The following TENM3 variants were observed in gnomAD, a reference collection of about 807,000 sequenced individuals.
The protein encoded by TENM3 is teneurin-3.
Under a neutral mutation model 255.1 loss-of-function variants are expected in TENM3, and 63 were observed. The ratio of observed to expected loss-of-function variants is 0.25; its 90% confidence interval spans 0.20 to 0.30. TENM3 has a LOEUF of 0.30. Among genes scored for constraint, TENM3 ranks in the 10% least tolerant of loss-of-function variants. The pLI, the probability that TENM3 is intolerant of heterozygous loss-of-function variation, is 1.00. For synonymous variants in TENM3, 1,306 were observed against 1,322.3 expected (o/e 0.99, Z 0.27); for missense variants, 2,929 against 3,461.1 (o/e 0.85, Z 3.86).
the TENM3 span, among the ~76,000 whole-genome samples, chr4:181,828,070 G>C: frequency 6.6e-6 from 1 of 152,146 alleles, no homozygotes; most frequent in Non-Finnish European, 1.5e-5. Context: ...TTTCTTCCTT[G>C]ACCCTTTTTG....
intron 3 of TENM3, among the ~76,000 whole-genome samples, chr4:182,569,702 T>A (rs777257192): frequency 1.8e-4 from 27 of 152,030 alleles, no homozygotes; most frequent in Non-Finnish European, 3.7e-4. Flanking sequence ...AAGAGAAAAC[T>A]AAAGTATTAA....
chr4:182,487,809 A>T (rs1734903177), intron 3 of TENM3, among the ~76,000 whole-genome samples: 1 of 152,170 alleles, frequency 6.6e-6, no homozygotes, highest in Non-Finnish European at 1.5e-5. Flanking sequence ...TCAAACATTT[A>T]TTCTCAGGTC....
chr4:182,793,881 C>G lies in TENM3; in HGVS notation c.7209C>G (p.Ile2403Met). ...ASKIHDVKDY[I>M]TDVNSWLVTF... Reference sequence around the variant, plus strand: ...AAATCCATGACGTGAAAGATTACATCACAGGTAAGCATTTTGATTCCTTCC... The same window carrying G: ...AAATCCATGACGTGAAAGATTACATGACAGGTAAGCATTTTGATTCCTTCC... The change falls in exon 26 of 28, where the codon ATC becomes ATG. Residue 2403 changes from isoleucine (I) to methionine (M), a missense_variant. Coordinates refer to ENST00000511685, the MANE Select transcript of TENM3 (RefSeq NM_001080477.4). This position sits in a 1 kb window ranked among gnomAD's most constrained non-coding sequence, Gnocchi z 5.7. 6.3e-7 allele frequency: 1 copy of G among 1,596,772 alleles called. No homozygotes were observed. The highest frequency in any genetic ancestry group is 1.1e-5 in the South Asian group (1 of 88,540).
At chr4:181,772,683 G>A in the TENM3 span, among the ~76,000 whole-genome samples, 2 of 152,110 alleles carry the variant, frequency 1.3e-5, no homozygotes, top group African/African-American at 4.8e-5. Context: ...CACTTCTCAG[G>A]TACTAAGGTT....
rs150426892 is a variant in TENM3 at position 182,739,225 on chromosome 4, G to C, written c.3379+681G>C. Among the ~76,000 whole-genome samples the C allele has an allele frequency of 1.1e-4, 16 of 152,214 alleles. No individual in the cohort carries two copies. In the East Asian group the frequency reaches 3.1e-3, roughly 29 times the overall value. On this transcript the variant is annotated intron_variant, in intron 18 of 27. Coordinates refer to ENST00000511685, the MANE Select transcript of TENM3 (RefSeq NM_001080477.4). ...GATAATGTCCTAGTGAATATGCTCT[G>C]AAGAAACATGTTTCAAATGCCGCAG...
intron 24 of TENM3, among the ~76,000 whole-genome samples, chr4:182,780,093 C>A (rs1451761164): frequency 1.3e-5 from 2 of 151,926 alleles, no homozygotes; most frequent in African/African-American, 4.8e-5. Flanking sequence ...GCTTTTGTTG[C>A]CATTGCTTTT....
the TENM3 span, among the ~76,000 whole-genome samples, chr4:181,609,363 A>G: frequency 6.6e-6 from 1 of 152,248 alleles, no homozygotes; most frequent in Non-Finnish European, 1.5e-5. Context: ...TTTTTTCCAC[A>G]TCACTCTGTA....
the TENM3 span, among the ~76,000 whole-genome samples, chr4:181,954,678 T>C: frequency 6.6e-6 from 1 of 152,210 alleles, no homozygotes; most frequent in African/African-American, 2.4e-5. Context: ...GTGGCTTGAT[T>C]TTTCATTTTC....
intron 12 of TENM3, among the ~76,000 whole-genome samples, chr4:182,702,449 A>G (rs1052586809): frequency 1.3e-5 from 2 of 152,130 alleles, no homozygotes; most frequent in African/African-American, 2.4e-5. Context: ...TCTTTTCTTC[A>G]TAGTCACTTA....
the TENM3 span, among the ~76,000 whole-genome samples, chr4:182,007,213 G>T: frequency 6.6e-6 from 1 of 152,064 alleles, no homozygotes; most frequent in African/African-American, 2.4e-5. Context: ...GTTGATTTGG[G>T]GTAGAGAGTT....
intron 3 of TENM3, among the ~76,000 whole-genome samples, chr4:182,544,424 G>A (rs538308798): frequency 1.6e-4 from 22 of 140,944 alleles, no homozygotes; most frequent in African/African-American, 4.9e-4. Flanking sequence ...TCTGCCTCCC[G>A]GGTTCAAGCG....
chr4:182,567,886 GA>G (rs2152001795), intron 3 of TENM3, among the ~76,000 whole-genome samples: 1 of 147,128 alleles, frequency 6.8e-6, no homozygotes, highest in Admixed American at 6.8e-5. Flanking sequence ...TTTGTTCATA[GA>G]GGTAACTCAT....
chr4:181,865,549 G>A, the TENM3 span, among the ~76,000 whole-genome samples: 3 of 152,188 alleles, frequency 2.0e-5, no homozygotes, highest in Non-Finnish European at 4.4e-5. Context: ...ACCGTCACCC[G>A]CATGCCTACA....
At chr4:182,624,747 C>T (rs901368488) in intron 4 of TENM3, among the ~76,000 whole-genome samples, 10 of 152,038 alleles carry the variant, frequency 6.6e-5, no homozygotes, top group African/African-American at 2.2e-4. Flanking sequence ...TTCATTTCTC[C>T]TGGAGGCAAT....
chr4:181,834,688 T>C, the TENM3 span, among the ~76,000 whole-genome samples: 1 of 152,296 alleles, frequency 6.6e-6, no homozygotes, highest in East Asian at 1.9e-4. Flanking sequence ...CAACCGCTCT[T>C]CAAGAGATGG....
At chr4:182,065,245 G>A in the TENM3 span, among the ~76,000 whole-genome samples, 1 of 152,104 alleles carries the variant, frequency 6.6e-6, no homozygotes, top group Non-Finnish European at 1.5e-5. Context: ...ATGTTGGCCA[G>A]GCTGGTCTCA....
chr4:182,228,386 G>GTT (rs1374220080), intron 1 of TENM3, among the ~76,000 whole-genome samples: 1 of 139,830 alleles, frequency 7.2e-6, no homozygotes, highest in East Asian at 1.9e-4. Context: ...GTGTGTGTGT[G>GTT]TGTGTGTATA....
At chr4:181,666,483 A>G in the TENM3 span, among the ~76,000 whole-genome samples, 1 of 152,190 alleles carries the variant, frequency 6.6e-6, no homozygotes, top group African/African-American at 2.4e-5. Flanking sequence ...GTGATTAGAA[A>G]GATTAAAAAG....
chr4:181,485,451 T>C, the TENM3 span, among the ~76,000 whole-genome samples: 2 of 151,740 alleles, frequency 1.3e-5, no homozygotes, highest in African/African-American at 4.9e-5. Context: ...CTAATTTATA[T>C]TAGATGTACT....
Sources: allele counts gnomAD v4.1 joint callset (sites outside exome capture counted in the v4.1 genomes callset), GRCh38; gene constraint gnomAD v4.1.1; non-coding constraint Gnocchi (gnomAD v3.1); transcripts MANE v1.5; gene names NCBI Gene and HGNC (gene_info 2026-07-23, HGNC 2026-07-21).